Variants in KHDRBS3 observed in about 807,000 individuals in gnomAD.
The protein encoded by KHDRBS3 is KH domain-containing, RNA-binding, signal transduction-associated protein 3.
A neutral mutation model predicts 45.6 loss-of-function variants in KHDRBS3; 23 were observed. The observed-to-expected ratio is 0.50, with a 90% CI of 0.36 to 0.72. KHDRBS3 has a LOEUF of 0.72. KHDRBS3 is among the 30% of genes least tolerant of loss of function. KHDRBS3 has a pLI of 0.00. For synonymous variants in KHDRBS3, 162 were observed against 156.5 expected (o/e 1.04, Z -0.26); for missense variants, 352 against 424.8 (o/e 0.83, Z 1.51).
intron 6 of KHDRBS3, among the ~76,000 whole-genome samples, chr8:135,586,154 C>T (rs77139993): frequency 0.076 from 11,566 of 152,080 alleles, 700 homozygotes; most frequent in African/African-American, 0.17. Context: ...ATATATGTCA[C>T]GTTTTCCTTA....
intron 6 of KHDRBS3, among the ~76,000 whole-genome samples, chr8:135,600,943 T>G (rs2131002038): frequency 6.6e-6 from 1 of 152,308 alleles, no homozygotes; most frequent in East Asian, 1.9e-4. Context: ...CTCAAAACAG[T>G]CTGCCCACCT....
At chr8:135,638,688 G>A (rs908777960) in intron 7 of KHDRBS3, among the ~76,000 whole-genome samples, 1 of 152,190 alleles carries the variant, frequency 6.6e-6, no homozygotes. Context: ...CGTGGCTCAC[G>A]CCTGTAATCC....
chr8:135,573,087 C>G (rs1442552742), intron 5 of KHDRBS3, among the ~76,000 whole-genome samples: 1 of 152,100 alleles, frequency 6.6e-6, no homozygotes, highest in Non-Finnish European at 1.5e-5. Context: ...TGATAGAAGA[C>G]TAAGGCCCTG....
At chr8:135,551,195 A>G (rs898228196) in intron 4 of KHDRBS3, among the ~76,000 whole-genome samples, 1 of 152,140 alleles carries the variant, frequency 6.6e-6, no homozygotes. Context: ...CTGTGAATAA[A>G]GACAACTTAA....
At chr8:135,507,148 A>T (rs1271715742) in intron 1 of KHDRBS3, among the ~76,000 whole-genome samples, 1 of 152,290 alleles carries the variant, frequency 6.6e-6, no homozygotes, top group South Asian at 2.1e-4. Context: ...AAATTCTTCA[A>T]ACGGATCTAG....
At chr8:135,647,899 T>C (rs1831354486), downstream of KHDRBS3, 1 of 152,216 alleles carries the variant, frequency 6.6e-6, no homozygotes, top group Admixed American at 6.5e-5. Flanking sequence ...AAATAACTAC[T>C]GGATTTTCTG....
intron 5 of KHDRBS3, among the ~76,000 whole-genome samples, chr8:135,572,992 A>G (rs1827778056): frequency 6.6e-6 from 1 of 152,238 alleles, no homozygotes; most frequent in Non-Finnish European, 1.5e-5. Context: ...GTTATAGGAA[A>G]GATACAGTTA....
intron 1 of KHDRBS3, among the ~76,000 whole-genome samples, chr8:135,510,907 T>TC (rs1321772657): frequency 6.6e-6 from 1 of 152,154 alleles, no homozygotes; most frequent in East Asian, 1.9e-4. Context: ...CCTCCTCTCT[T>TC]CCCCCCACCT....
rs191092187 is a variant in KHDRBS3, at chr8:135,584,927, A to T, written c.807+2854A>T. On this transcript the variant is annotated intron_variant, in intron 6 of 8. Transcript: ENST00000355849. ...ATGGGAAGTAAATTCTTCTTAAAAA[A>T]TTTTTTTATGTTGGGCTCGGCACGA... Among the ~76,000 whole-genome samples, 151 of 152,138 alleles carry T rather than the reference A, an allele frequency of 9.9e-4. 1 individual carries two copies. Among genetic ancestry groups the T allele is most frequent in the South Asian group, 4.2e-3 (20 of 4,812 alleles).
chr8:135,576,703 T>C (rs893424896), intron 5 of KHDRBS3, among the ~76,000 whole-genome samples: 1 of 152,224 alleles, frequency 6.6e-6, no homozygotes, highest in African/African-American at 2.4e-5. Flanking sequence ...TTCCATTTAT[T>C]GGAGTATGGT....
intron 6 of KHDRBS3, among the ~76,000 whole-genome samples, chr8:135,604,379 T>C (rs1829359671): frequency 6.6e-6 from 1 of 152,024 alleles, no homozygotes; most frequent in African/African-American, 2.4e-5. Flanking sequence ...GCTAATTTCT[T>C]CCTTTTAATA....
chr8:135,536,451 C>T (rs1346433321), intron 2 of KHDRBS3, among the ~76,000 whole-genome samples: 2 of 152,020 alleles, frequency 1.3e-5, no homozygotes, highest in African/African-American at 4.8e-5. Context: ...CTTTTCACAG[C>T]AGTAGCAAAA....
intron 5 of KHDRBS3, among the ~76,000 whole-genome samples, chr8:135,572,959 A>C (rs1827775375): frequency 1.3e-5 from 2 of 152,248 alleles, no homozygotes; most frequent in Admixed American, 6.5e-5. Context: ...AAATGAAGCA[A>C]GATTGTCAAA....
intron 2 of KHDRBS3, among the ~76,000 whole-genome samples, chr8:135,528,093 C>T (rs145483802): frequency 0.011 from 1,728 of 152,148 alleles, 30 homozygotes; most frequent in African/African-American, 0.037. Flanking sequence ...TGATAATTGT[C>T]CTTTTAGCCT....
chr8:135,633,287 C>T (rs1830680303), intron 7 of KHDRBS3, among the ~76,000 whole-genome samples: 1 of 152,194 alleles, frequency 6.6e-6, no homozygotes, highest in Non-Finnish European at 1.5e-5. Flanking sequence ...AGAGCCAGGA[C>T]TCAGCCTGGT....
At chr8:135,481,484 C>G (rs1231541417) in intron 1 of KHDRBS3, among the ~76,000 whole-genome samples, 1 of 151,920 alleles carries the variant, frequency 6.6e-6, no homozygotes, top group Admixed American at 6.6e-5. Flanking sequence ...TTCTTTATGT[C>G]TCCCCTGTAG....
rs1828697669 is a variant in KHDRBS3 at position 135,590,490 on chromosome 8, C to T, written c.807+8417C>T. ...TTAGTCTAAATGACGTTCTTAACCT[C>T]TTTCCAACTTAAAAAGTCTGCAGCG... On this transcript the variant is annotated intron_variant, in intron 6 of 8. Coordinates refer to ENST00000355849, the MANE Select transcript of KHDRBS3 (RefSeq NM_006558.3). 2.0e-5 allele frequency among the ~76,000 whole-genome samples: 3 copies of T among 152,182 alleles called. No homozygotes were observed. In the South Asian group the frequency reaches 6.2e-4, roughly 32 times the overall value.
chr8:135,633,807 C>G (rs184348951), intron 7 of KHDRBS3, among the ~76,000 whole-genome samples: 1 of 152,190 alleles, frequency 6.6e-6, no homozygotes. Context: ...ACGTGCACAG[C>G]CTCCCCATTA....
At chr8:135,510,386 G>A (rs191208775) in intron 1 of KHDRBS3, among the ~76,000 whole-genome samples, 115 of 152,278 alleles carry the variant, frequency 7.6e-4, no homozygotes, top group African/African-American at 2.4e-3. Context: ...GAAACAAGAT[G>A]AAGAAAATAT....
Sources: gnomAD v4.1 joint callset for allele counts (sites outside exome capture counted in the v4.1 genomes callset) on GRCh38, gnomAD v4.1.1 for gene constraint, MANE v1.5 for transcripts, NCBI Gene and HGNC (gene_info 2026-07-23, HGNC 2026-07-21) for gene names.